Variants in ASTN2 observed in about 807,000 individuals in gnomAD.
ASTN2 encodes the protein astrotactin 2.
In ASTN2, 54 loss-of-function variants were observed where a neutral mutation model predicts 139.8. That is an observed-to-expected ratio of 0.39 (90% CI 0.31 to 0.48). ASTN2 has a LOEUF of 0.48. Among genes scored for constraint, ASTN2 ranks in the 20% least tolerant of loss-of-function variants. The pLI, the probability that ASTN2 is intolerant of heterozygous loss-of-function variation, is 0.95. For synonymous variants in ASTN2, 756 were observed against 719.5 expected (o/e 1.05, Z -0.81); for missense variants, 1,565 against 1,725.1 (o/e 0.91, Z 1.64).
At chr9:116,472,891 C>T (rs1318122935) in intron 20 of ASTN2, among the ~76,000 whole-genome samples, 2 of 146,620 alleles carry the variant, frequency 1.4e-5, no homozygotes, top group African/African-American at 5.0e-5. Flanking sequence ...TGTGCCACTG[C>T]ACTCCAGCCT....
chr9:116,943,554 T>C (rs962664353), intron 10 of ASTN2, among the ~76,000 whole-genome samples: 1 of 152,140 alleles, frequency 6.6e-6, no homozygotes, highest in Non-Finnish European at 1.5e-5. Flanking sequence ...TGTATGTACA[T>C]TATATCTCCA....
At chr9:117,398,970 A>G (rs545101550) in intron 1 of ASTN2, among the ~76,000 whole-genome samples, 25 of 152,208 alleles carry the variant, frequency 1.6e-4, no homozygotes, top group African/African-American at 2.6e-4. Flanking sequence ...TTTAGTAGAG[A>G]TGGGGTTTCA....
At chr9:116,958,258 C>T (rs1017361186) in intron 10 of ASTN2, among the ~76,000 whole-genome samples, 2 of 152,050 alleles carry the variant, frequency 1.3e-5, no homozygotes, top group African/African-American at 2.4e-5. Flanking sequence ...TTGGGTTGTA[C>T]GAATGTCACC....
chr9:117,341,319 T>A lies in ASTN2; in HGVS notation c.443-49806A>T, dbSNP rs368044494. ...GGTACTTTATTCACTGAGATAGGAA[T>A]GATCTGCCAAAGCATTTTTACACAC... On this transcript the variant is annotated intron_variant, in intron 1 of 22. Transcript: ENST00000313400. Among the ~76,000 whole-genome samples, 12 of 152,218 alleles carry A rather than the reference T, an allele frequency of 7.9e-5. No homozygotes were observed. In the East Asian group the frequency reaches 1.7e-3, roughly 22 times the overall value.
intron 4 of ASTN2, among the ~76,000 whole-genome samples, chr9:117,138,142 G>A (rs1829994984): frequency 6.6e-6 from 1 of 152,166 alleles, no homozygotes; most frequent in South Asian, 2.1e-4. Flanking sequence ...ATTTTAGAGA[G>A]GAGGATAGTA....
chr9:116,761,293 G>A (rs1829666988), intron 13 of ASTN2, among the ~76,000 whole-genome samples: 1 of 152,168 alleles, frequency 6.6e-6, no homozygotes, highest in Non-Finnish European at 1.5e-5. Flanking sequence ...TCTTAAAGTA[G>A]CTCATTCATT....
At chr9:117,297,420 T>C (rs1427774316) in intron 1 of ASTN2, among the ~76,000 whole-genome samples, 1 of 152,208 alleles carries the variant, frequency 6.6e-6, no homozygotes, top group Non-Finnish European at 1.5e-5. Context: ...CAAATACTCA[T>C]GCCCTTTTTC....
chr9:117,141,241 G>A, intron 4 of ASTN2, 85 bp downstream of exon 4: 3 of 1,279,174 alleles, frequency 2.3e-6, no homozygotes, highest in Non-Finnish European at 3.1e-6. Flanking sequence ...GGGAAGCAAG[G>A]GAAGAATGCA....
intron 4 of ASTN2, among the ~76,000 whole-genome samples, chr9:117,120,517 A>G (rs1003914299): frequency 6.6e-6 from 1 of 152,172 alleles, no homozygotes; most frequent in African/African-American, 2.4e-5. Context: ...GTACAAGTTG[A>G]CAGTGATAGC....
At chr9:117,091,021 C>A (rs962754984) in intron 5 of ASTN2, among the ~76,000 whole-genome samples, 2 of 152,212 alleles carry the variant, frequency 1.3e-5, no homozygotes, top group African/African-American at 4.8e-5. Context: ...GTGCTTTTCA[C>A]CACCAAGGCC....
At position 116,869,199 on chromosome 9, in the gene ASTN2, GA is replaced by G. The variant is rs888812933; in HGVS notation, c.1890-5467del. Among the ~76,000 whole-genome samples the G allele has an allele frequency of 6.0e-5, 9 of 150,272 alleles. No homozygotes were observed. The South Asian group carries it at 8.5e-4, about 14-fold the overall frequency. On this transcript the variant is annotated intron_variant, in intron 10 of 22. Transcript: ENST00000313400. ...GACTCCTGTCTCAAAAAGAAAGAAA[GA>G]AAAAAAAATGACAGCATTAGTTGGG...
At chr9:117,272,374 G>A (rs1834088076) in intron 2 of ASTN2, among the ~76,000 whole-genome samples, 1 of 152,180 alleles carries the variant, frequency 6.6e-6, no homozygotes, top group Non-Finnish European at 1.5e-5. Context: ...CTGGGCCTCT[G>A]GGCCTGTGAT....
intron 3 of ASTN2, among the ~76,000 whole-genome samples, chr9:117,188,011 G>A (rs1236505512): frequency 6.6e-6 from 1 of 152,090 alleles, no homozygotes; most frequent in African/African-American, 2.4e-5. Flanking sequence ...ATTTTGAGGT[G>A]GGTAATTATT....
chr9:116,947,076 T>G (rs1835421393), intron 10 of ASTN2, among the ~76,000 whole-genome samples: 1 of 152,032 alleles, frequency 6.6e-6, no homozygotes, highest in Non-Finnish European at 1.5e-5. Flanking sequence ...GACTAACCCT[T>G]GATATTTCTT....
intron 1 of ASTN2, among the ~76,000 whole-genome samples, chr9:117,296,277 C>CAAAAAAAAAAAA (rs5900277): frequency 1.5e-4 from 11 of 71,006 alleles, no homozygotes; most frequent in African/African-American, 5.4e-4. Flanking sequence ...GACTGCATCT[C>CAAAAAAAAAAAA]AAAAAAAAAA....
At chr9:117,343,960 G>A (rs1008817145) in intron 1 of ASTN2, among the ~76,000 whole-genome samples, 1 of 152,148 alleles carries the variant, frequency 6.6e-6, no homozygotes, top group African/African-American at 2.4e-5. Context: ...GAAGAAGGAA[G>A]GAGGGGGGAT....
intron 2 of ASTN2, among the ~76,000 whole-genome samples, chr9:117,252,037 TC>T: frequency 6.6e-6 from 1 of 152,280 alleles, no homozygotes; most frequent in Non-Finnish European, 1.5e-5. Context: ...CAGAACAACC[TC>T]TGATAAAATT....
At chr9:116,725,159 T>C (rs755755631) in intron 16 of ASTN2, among the ~76,000 whole-genome samples, 3 of 152,192 alleles carry the variant, frequency 2.0e-5, no homozygotes, top group Non-Finnish European at 2.9e-5. Context: ...GGAAAAGGAA[T>C]AACCTTCACA....
chr9:117,063,887 A>C (rs1158528523), intron 5 of ASTN2, among the ~76,000 whole-genome samples: 1 of 152,088 alleles, frequency 6.6e-6, no homozygotes, highest in East Asian at 1.9e-4. Flanking sequence ...GCTAGATGAA[A>C]GCAGAGCTAG....
Sources: gnomAD v4.1 joint callset for allele counts (sites outside exome capture counted in the v4.1 genomes callset) on GRCh38, gnomAD v4.1.1 for gene constraint, MANE v1.5 for transcripts, NCBI Gene and HGNC (gene_info 2026-07-23, HGNC 2026-07-21) for gene names.